Variants in AHCY observed in about 807,000 individuals in gnomAD.
AHCY encodes S-adenosyl-L-homocysteine hydrolase.
AHCY carries 24 observed loss-of-function variants against 45.4 expected under a neutral mutation model. That is an observed-to-expected ratio of 0.53 (90% CI 0.38 to 0.74). The LOEUF (loss-of-function observed/expected upper bound fraction) is 0.74, where lower values mean the gene tolerates loss of function less well. Among genes scored for constraint, AHCY ranks in the 30% least tolerant of loss-of-function variants. The probability of loss-of-function intolerance (pLI) is 0.00; values close to 1 mark genes in which losing one functional copy is unlikely to be tolerated. For synonymous variants in AHCY, 245 were observed against 235.1 expected, an observed-to-expected ratio of 1.04 and a Z score of -0.39; for missense variants, 449 against 594.1, an observed-to-expected ratio of 0.76 and a Z score of 2.54.
chr20:34,235,882 G>GA, the AHCY span, among the ~76,000 whole-genome samples: 37 of 106,522 alleles, frequency 3.5e-4, no homozygotes, highest in African/African-American at 2.5e-3. Flanking sequence ...AGGAAGGAAG[G>GA]AAGGAAGGAA....
chr20:34,285,839 G>A (rs760670842), intron 8 of AHCY, among the ~76,000 whole-genome samples: 6 of 152,158 alleles, frequency 3.9e-5, no homozygotes, highest in African/African-American at 9.7e-5. Flanking sequence ...GGTGGCTCAC[G>A]CCTGTAATCC....
At chr20:34,235,789 G>GAA in the AHCY span, among the ~76,000 whole-genome samples, 1 of 31,850 alleles carries the variant, frequency 3.1e-5, no homozygotes, top group South Asian at 1.2e-3. Context: ...TGAGAAAGAA[G>GAA]AAAGAAAGAA....
chr20:34,278,479 T>G (rs554409140), downstream of AHCY, among the ~76,000 whole-genome samples: 45 of 152,208 alleles, frequency 3.0e-4, no homozygotes, highest in Non-Finnish European at 5.0e-4. Context: ...AGCCTCTCCT[T>G]TTTTCTACTG....
chr20:34,281,287 T>C, intron 9 of AHCY, 122 bp from the exon 10 acceptor site: 2 of 1,431,254 alleles, frequency 1.4e-6, no homozygotes, highest in Non-Finnish European at 1.9e-6. Context: ...GTACTCATGT[T>C]AACTCTTTCT....
At chr20:34,296,671 C>T (rs529004987) in intron 1 of AHCY, among the ~76,000 whole-genome samples, 5 of 152,188 alleles carry the variant, frequency 3.3e-5, no homozygotes, top group Admixed American at 6.5e-5. Flanking sequence ...CAGACTTCCC[C>T]GGTAAGGGAT....
chr20:34,302,691 C>T, intron 1 of AHCY: 1 of 987,294 alleles, frequency 1.0e-6, no homozygotes, highest in South Asian at 4.7e-5. Context: ...GCTGCCCCTG[C>T]TGGAGGGGTG....
chr20:34,257,071 T>TC, the AHCY span, among the ~76,000 whole-genome samples: 2 of 47,078 alleles, frequency 4.2e-5, no homozygotes, highest in African/African-American at 1.9e-4. Context: ...TTTCTTTCTC[T>TC]TTTTTTTTTT....
intron 9 of AHCY, among the ~76,000 whole-genome samples, chr20:34,285,226 TGCC>T (rs2036132753): frequency 6.6e-6 from 1 of 152,222 alleles, no homozygotes; most frequent in Admixed American, 6.5e-5. Flanking sequence ...CACCTGGTCC[TGCC>T]GCTCTGCTGT....
chr20:34,252,750 C>T, the AHCY span, among the ~76,000 whole-genome samples: 3 of 152,156 alleles, frequency 2.0e-5, no homozygotes, highest in African/African-American at 7.2e-5. Flanking sequence ...GGCCATATCT[C>T]AGGCTGTCTC....
At chr20:34,289,737 C>G (rs2036309762) in intron 8 of AHCY, among the ~76,000 whole-genome samples, 1 of 152,130 alleles carries the variant, frequency 6.6e-6, no homozygotes, top group Non-Finnish European at 1.5e-5. Context: ...CTCGACCTCC[C>G]AAAGTGCTGG....
Position 34,281,071 on chromosome 20 carries a change from C to T in AHCY, c.1262G>A (p.Cys421Tyr). 1.2e-6 allele frequency: 2 copies of T among 1,614,220 alleles called. No individual in the cohort carries two copies. Among genetic ancestry groups the T allele is most frequent in the South Asian group, 1.1e-5 (1 of 91,084 alleles). The change falls in exon 10 of 10, where the codon TGT (cysteine) becomes TAT (tyrosine). Residue 421 changes from cysteine (C) to tyrosine (Y), a missense_variant. Transcript: ENST00000217426. ...GTGATCCGGCTTGAAGGGGCCATCA[C>T]AGGACATGCCCAGGTACTGGGCTTG... The part of the protein sequence containing the change: ...EKQAQYLGMS[C>Y]DGPFKPDHYR...
the AHCY span, among the ~76,000 whole-genome samples, chr20:34,246,798 G>T: frequency 6.6e-6 from 1 of 152,040 alleles, no homozygotes. Context: ...TAAACTTGAA[G>T]CTCCCTTTAC....
intron 1 of AHCY, among the ~76,000 whole-genome samples, chr20:34,298,970 C>A (rs819152): frequency 5.3e-5 from 8 of 152,038 alleles, no homozygotes; most frequent in Middle Eastern, 3.4e-3. Flanking sequence ...CTTACCTATC[C>A]TTGGAGGTGA....
chr20:34,294,287 T>G, intron 2 of AHCY, 131 bp from the exon 3 acceptor site: 1 of 855,692 alleles, frequency 1.2e-6, no homozygotes, highest in Non-Finnish European at 1.9e-6. Flanking sequence ...AGCTCTAGGA[T>G]CACAGGCTGG....
At chr20:34,277,978 A>G (rs1170124203), downstream of AHCY, among the ~76,000 whole-genome samples, 2 of 152,206 alleles carry the variant, frequency 1.3e-5, no homozygotes, top group South Asian at 2.1e-4. Flanking sequence ...TCTTTCCTGG[A>G]AAAAATCCAA....
the AHCY span, among the ~76,000 whole-genome samples, chr20:34,252,279 C>T: frequency 2.6e-5 from 4 of 152,172 alleles, no homozygotes; most frequent in Non-Finnish European, 5.9e-5. Context: ...TCTGAGTTCC[C>T]TCAGTATTTA....
chr20:34,306,254 C>T (rs1289264181), upstream of AHCY, among the ~76,000 whole-genome samples: 2 of 152,060 alleles, frequency 1.3e-5, no homozygotes, highest in African/African-American at 4.8e-5. Context: ...GACTGCTGGT[C>T]TCAGGAGAAG....
At chr20:34,241,507 C>G in the AHCY span, 1 of 985,312 alleles carries the variant, frequency 1.0e-6, no homozygotes, top group Non-Finnish European at 1.2e-6. Context: ...TAGATGGCAA[C>G]TTTAATCTGC....
At chr20:34,266,594 A>G in the AHCY span, among the ~76,000 whole-genome samples, 3 of 150,622 alleles carry the variant, frequency 2.0e-5, no homozygotes, top group Non-Finnish European at 4.4e-5. Flanking sequence ...AATCACTGGA[A>G]CCCGGGAGAT....
Sources: allele counts gnomAD v4.1 joint callset (sites outside exome capture counted in the v4.1 genomes callset), GRCh38; gene constraint gnomAD v4.1.1; transcripts MANE v1.5; gene names NCBI Gene and HGNC (gene_info 2026-07-23, HGNC 2026-07-21).